The following SLC4A4 variants were observed in gnomAD, a reference collection of about 807,000 sequenced individuals.
SLC4A4 encodes the protein solute carrier family 4 member 4.
In SLC4A4, 27 loss-of-function variants were observed where a neutral mutation model predicts 111.5. The observed-to-expected ratio is 0.24, with a 90% CI of 0.18 to 0.33. The LOEUF is 0.33. Ranked by LOEUF, SLC4A4 falls within the 10% of genes least tolerant of loss-of-function variation. SLC4A4 has a pLI of 1.00. For synonymous variants in SLC4A4, 443 were observed against 463.4 expected (o/e 0.96, Z 0.57); for missense variants, 909 against 1,315.5 (o/e 0.69, Z 4.78).
chr4:71,114,530 T>G (rs1018597394), intron 2 of SLC4A4, among the ~76,000 whole-genome samples: 1 of 150,238 alleles, frequency 6.7e-6, no homozygotes, highest in South Asian at 2.1e-4. Context: ...GCGAAGGACA[T>G]GAACAGACAC....
intron 1 of SLC4A4, among the ~76,000 whole-genome samples, chr4:71,087,859 T>G (rs1742235327): frequency 6.6e-6 from 1 of 152,008 alleles, no homozygotes; most frequent in South Asian, 2.1e-4. Context: ...TGTGGTGTGG[T>G]GCTGAGAAGA....
chr4:71,383,390 T>C (rs1369260876), intron 6 of SLC4A4, among the ~76,000 whole-genome samples: 1 of 152,198 alleles, frequency 6.6e-6, no homozygotes. Context: ...TTGCCTAAAG[T>C]CATCACATAC....
intron 2 of SLC4A4, among the ~76,000 whole-genome samples, chr4:71,150,941 A>T (rs978521571): frequency 5.9e-5 from 9 of 152,210 alleles, no homozygotes; most frequent in African/African-American, 2.2e-4. Flanking sequence ...TGCTATTTGA[A>T]AGACCATGCC....
At chr4:71,355,005 T>C (rs1369886468) in intron 5 of SLC4A4, among the ~76,000 whole-genome samples, 2 of 152,186 alleles carry the variant, frequency 1.3e-5, no homozygotes, top group African/African-American at 4.8e-5. Context: ...CCACTTTCCT[T>C]TGAAGGATTT....
At chr4:71,390,294 A>G (rs1719141101) in intron 6 of SLC4A4, among the ~76,000 whole-genome samples, 1 of 152,198 alleles carries the variant, frequency 6.6e-6, no homozygotes, top group African/African-American at 2.4e-5. Context: ...TTAGTGAGTG[A>G]AATGGGAAGA....
At chr4:71,108,310 C>T in intron 2 of SLC4A4, among the ~76,000 whole-genome samples, 1 of 152,172 alleles carries the variant, frequency 6.6e-6, no homozygotes, top group East Asian at 1.9e-4. Flanking sequence ...AGAGGACTCC[C>T]TTGACCATTC....
intron 16 of SLC4A4, among the ~76,000 whole-genome samples, chr4:71,502,576 T>TA (rs1731046697): frequency 6.6e-6 from 1 of 152,226 alleles, no homozygotes; most frequent in Non-Finnish European, 1.5e-5. Flanking sequence ...TTTGTTTACT[T>TA]ACACATTGGT....
intron 20 of SLC4A4, 146 bp from the exon 21 acceptor site, chr4:71,554,994 G>GACTAGTAAAGCATACTAGTTAGAGGTC (rs1736348225): frequency 1.5e-6 from 1 of 660,920 alleles, no homozygotes; most frequent in Admixed American, 2.4e-5. Flanking sequence ...TTCATCAATT[G>GACTAGTAAAGCATACTAGTTAGAGGTC]ACTAGTAAAG....
chr4:71,534,477 G>A (rs1485309811), intron 18 of SLC4A4, 89 bp downstream of exon 18: 1 of 1,275,852 alleles, frequency 7.8e-7, no homozygotes, highest in Non-Finnish European at 1.1e-6. Context: ...AGGGAGCTTT[G>A]TTGGGAGTTA....
At chr4:71,135,761 T>C (rs1321526312) in intron 2 of SLC4A4, among the ~76,000 whole-genome samples, 1 of 152,040 alleles carries the variant, frequency 6.6e-6, no homozygotes, top group East Asian at 1.9e-4. Context: ...CAACCACCAT[T>C]CTACTTTTTG....
chr4:71,481,741 A>G (rs546180363), intron 14 of SLC4A4, among the ~76,000 whole-genome samples: 3 of 104,590 alleles, frequency 2.9e-5, no homozygotes, highest in Non-Finnish European at 5.5e-5. Context: ...GTAAATGTCA[A>G]TTACTTACAA....
At chr4:71,181,510 A>G (rs953808710) in intron 2 of SLC4A4, among the ~76,000 whole-genome samples, 4 of 152,194 alleles carry the variant, frequency 2.6e-5, no homozygotes, top group Non-Finnish European at 5.9e-5. Flanking sequence ...AAATAAATAC[A>G]CAGATAGAGT....
At chr4:71,093,247 A>G (rs1291198127) in intron 2 of SLC4A4, among the ~76,000 whole-genome samples, 2 of 151,146 alleles carry the variant, frequency 1.3e-5, no homozygotes, top group Admixed American at 1.3e-4. Context: ...GGCTCACTGC[A>G]ATCTCTACCT....
At chr4:71,359,341 A>T (rs567515627) in intron 6 of SLC4A4, among the ~76,000 whole-genome samples, 6 of 152,340 alleles carry the variant, frequency 3.9e-5, no homozygotes, top group African/African-American at 1.4e-4. Flanking sequence ...TGATCAGCTT[A>T]CACTCTGAAG....
intron 2 of SLC4A4, among the ~76,000 whole-genome samples, chr4:71,107,619 G>C (rs1380518943): frequency 6.6e-6 from 1 of 152,082 alleles, no homozygotes; most frequent in Non-Finnish European, 1.5e-5. Flanking sequence ...AAAGTGCCGG[G>C]ATTATAGACA....
intron 1 of SLC4A4, among the ~76,000 whole-genome samples, chr4:71,068,074 T>TTTTTTTTTTTTTTTGTG (rs1326433666): frequency 6.7e-6 from 1 of 148,772 alleles, no homozygotes; most frequent in African/African-American, 2.5e-5. Context: ...TTTTTTTTTT[T>TTTTTTTTTTTTTTTGTG]TTTTTTTGAG....
At chr4:71,285,896 A>G (rs2149096659) in intron 3 of SLC4A4, among the ~76,000 whole-genome samples, 1 of 152,298 alleles carries the variant, frequency 6.6e-6, no homozygotes, top group East Asian at 1.9e-4. Context: ...TGAAGCAGGA[A>G]TTCTCAAATT....
At chr4:71,244,030 A>T (rs1296161493) in intron 2 of SLC4A4, among the ~76,000 whole-genome samples, 3 of 152,212 alleles carry the variant, frequency 2.0e-5, no homozygotes, top group African/African-American at 4.8e-5. Context: ...ACATTGTTAT[A>T]GATGGGTTAA....
chr4:71,466,350 T>C, intron 12 of SLC4A4, 94 bp from the exon 13 acceptor site: 2 of 1,387,420 alleles, frequency 1.4e-6, no homozygotes, highest in Non-Finnish European at 2.0e-6. Context: ...ACCCTCCTAA[T>C]AGTATATTCA....
Sources: allele counts gnomAD v4.1 joint callset (sites outside exome capture counted in the v4.1 genomes callset), GRCh38; gene constraint gnomAD v4.1.1; transcripts MANE v1.5; gene names NCBI Gene and HGNC (gene_info 2026-07-23, HGNC 2026-07-21).